Variants in KDM4C observed in about 807,000 individuals in gnomAD.
KDM4C encodes the protein lysine-specific demethylase 4C.
Under a neutral mutation model 129.3 loss-of-function variants are expected in KDM4C, and 81 were observed. The ratio of observed to expected loss-of-function variants is 0.63; its 90% CI spans 0.52 to 0.75. The LOEUF is 0.75. Among genes scored for constraint, KDM4C ranks in the 30% least tolerant of loss-of-function variants. KDM4C has a pLI of 0.00. For missense variants in KDM4C, 1,457 were observed against 1,304.0 expected, an observed-to-expected ratio of 1.12 and a Z score of -1.81; for synonymous variants, 573 against 456.1, an observed-to-expected ratio of 1.26 and a Z score of -3.26.
At chr9:7,019,667 T>A in intron 15 of KDM4C, among the ~76,000 whole-genome samples, 1 of 108,494 alleles carries the variant, frequency 9.2e-6, no homozygotes, top group East Asian at 2.4e-4. Flanking sequence ...AAAGATTCTC[T>A]TTAAAAAGAG....
At chr9:6,772,053 G>A (rs1821951824) in intron 1 of KDM4C, among the ~76,000 whole-genome samples, 1 of 152,196 alleles carries the variant, frequency 6.6e-6, no homozygotes, top group African/African-American at 2.4e-5. Context: ...GGCCTTGTTT[G>A]GCTGCCTTCT....
At chr9:6,862,006 A>G (rs551667044) in intron 5 of KDM4C, among the ~76,000 whole-genome samples, 6 of 152,204 alleles carry the variant, frequency 3.9e-5, no homozygotes, top group African/African-American at 1.2e-4. Flanking sequence ...TCCTGACCTC[A>G]GGTGATTCAC....
At chr9:6,723,600 G>A (rs921424679) in intron 1 of KDM4C, 1 of 142,930 alleles carries the variant, frequency 7.0e-6, no homozygotes, top group Non-Finnish European at 1.5e-5. Flanking sequence ...TCCCTGAAGA[G>A]AGCCTGGGCA....
intron 5 of KDM4C, among the ~76,000 whole-genome samples, chr9:6,865,887 A>G (rs1309272112): frequency 6.6e-6 from 1 of 152,054 alleles, no homozygotes; most frequent in East Asian, 1.9e-4. Context: ...AGTAGCTGGG[A>G]CTACAGGCGC....
chr9:6,907,982 G>A (rs1436251940), intron 8 of KDM4C, among the ~76,000 whole-genome samples: 1 of 152,064 alleles, frequency 6.6e-6, no homozygotes, highest in Non-Finnish European at 1.5e-5. Flanking sequence ...GGACAGTGTC[G>A]CTTCATACAT....
At chr9:7,174,171 C>G (rs959150269) in intron 21 of KDM4C, among the ~76,000 whole-genome samples, 13 of 152,178 alleles carry the variant, frequency 8.5e-5, no homozygotes, top group African/African-American at 3.1e-4. Context: ...AGAACAGTTT[C>G]AGGGAAGGGG....
intron 15 of KDM4C, among the ~76,000 whole-genome samples, chr9:7,023,100 T>C (rs1284027147): frequency 6.6e-6 from 1 of 152,116 alleles, no homozygotes; most frequent in Admixed American, 6.5e-5. Flanking sequence ...CTATTGGCTG[T>C]GGTTTTCTTT....
intron 2 of KDM4C, among the ~76,000 whole-genome samples, chr9:6,797,798 C>A (rs576325379): frequency 6.6e-6 from 1 of 152,296 alleles, no homozygotes; most frequent in Admixed American, 6.5e-5. Context: ...CAATTTATTT[C>A]AAGGCAAGTA....
intron 7 of KDM4C, among the ~76,000 whole-genome samples, chr9:6,891,960 A>G (rs988418615): frequency 2.0e-5 from 3 of 152,230 alleles, no homozygotes; most frequent in Admixed American, 6.5e-5. Context: ...TATGTACATT[A>G]TATCTCAAAG....
At chr9:6,977,218 T>C (rs545270382) in intron 8 of KDM4C, among the ~76,000 whole-genome samples, 8 of 152,304 alleles carry the variant, frequency 5.3e-5, no homozygotes, top group African/African-American at 1.9e-4. Flanking sequence ...GATTGTCCTG[T>C]TCAAAAATCT....
chr9:6,921,623 C>T (rs1177211074), intron 8 of KDM4C, among the ~76,000 whole-genome samples: 1 of 152,200 alleles, frequency 6.6e-6, no homozygotes, highest in Admixed American at 6.5e-5. Flanking sequence ...CTATTTCTCT[C>T]TATTCTTTAT....
At chr9:7,101,097 C>G (rs1177239400) in intron 17 of KDM4C, among the ~76,000 whole-genome samples, 1 of 152,094 alleles carries the variant, frequency 6.6e-6, no homozygotes, top group South Asian at 2.1e-4. Flanking sequence ...TGATCTTGAT[C>G]CAGTTCGTCT....
intron 4 of KDM4C, among the ~76,000 whole-genome samples, chr9:6,823,031 C>G (rs926911188): frequency 6.6e-6 from 1 of 152,170 alleles, no homozygotes; most frequent in African/African-American, 2.4e-5. Flanking sequence ...AATGATGATT[C>G]TTCTCGTGGT....
chr9:6,909,508 C>T (rs1818894661), intron 8 of KDM4C, among the ~76,000 whole-genome samples: 1 of 152,140 alleles, frequency 6.6e-6, no homozygotes, highest in African/African-American at 2.4e-5. Flanking sequence ...CATGAAAAAT[C>T]ACCAGAAGGG....
At chr9:6,740,938 C>T (rs1190085438) in intron 1 of KDM4C, among the ~76,000 whole-genome samples, 1 of 151,776 alleles carries the variant, frequency 6.6e-6, no homozygotes, top group Non-Finnish European at 1.5e-5. Flanking sequence ...AGTGATTCTG[C>T]CTCAGTCTCC....
At chr9:6,820,617 G>A (rs1832854577) in intron 4 of KDM4C, among the ~76,000 whole-genome samples, 1 of 151,990 alleles carries the variant, frequency 6.6e-6, no homozygotes, top group African/African-American at 2.4e-5. Flanking sequence ...AGGGGTGAGG[G>A]TGTTTTTAAA....
chr9:6,949,374 G>C (rs1347206268), intron 8 of KDM4C, among the ~76,000 whole-genome samples: 1 of 152,112 alleles, frequency 6.6e-6, no homozygotes, highest in Non-Finnish European at 1.5e-5. Flanking sequence ...ACTGGGCAGA[G>C]GGGCTCCTCA....
chr9:7,022,796 TG>T (rs1825111918), intron 15 of KDM4C, among the ~76,000 whole-genome samples: 1 of 152,176 alleles, frequency 6.6e-6, no homozygotes, highest in African/African-American at 2.4e-5. Flanking sequence ...TGGTCATATA[TG>T]GCTTTTATTG....
At chr9:6,738,436 C>A (rs973148187) in intron 1 of KDM4C, among the ~76,000 whole-genome samples, 3 of 152,158 alleles carry the variant, frequency 2.0e-5, no homozygotes, top group African/African-American at 7.2e-5. Flanking sequence ...AACCATGCCA[C>A]TGTACTCCAG....
Sources: gnomAD v4.1 joint callset for allele counts (sites outside exome capture counted in the v4.1 genomes callset) on GRCh38, gnomAD v4.1.1 for gene constraint, MANE v1.5 for transcripts, NCBI Gene and HGNC (gene_info 2026-07-23, HGNC 2026-07-21) for gene names.